FAM81A: variants seen among roughly 807,000 people sequenced by gnomAD.
FAM81A encodes family with sequence similarity 81 member A.
FAM81A carries 19 observed loss-of-function variants against 46.7 expected under a neutral mutation model. The observed-to-expected ratio is 0.41, with a 90% CI of 0.28 to 0.60. The LOEUF is 0.60. Ranked by LOEUF, FAM81A falls within the 20% of genes least tolerant of loss-of-function variation. FAM81A has a pLI of 0.34. For synonymous variants in FAM81A, 183 were observed against 152.9 expected, an observed-to-expected ratio of 1.20 and a Z score of -1.45; for missense variants, 377 against 453.5, an observed-to-expected ratio of 0.83 and a Z score of 1.53.
chr15:59,398,759 G>GAAAA (rs71119468), intron 1 of FAM81A, among the ~76,000 whole-genome samples: 5 of 41,410 alleles, frequency 1.2e-4, no homozygotes, highest in East Asian at 1.4e-3. Context: ...CTCTGTCTCA[G>GAAAA]AAAAAAAAAA....
chr15:59,437,640 G>A (rs1177738529), upstream of FAM81A, among the ~76,000 whole-genome samples: 1 of 152,136 alleles, frequency 6.6e-6, no homozygotes, highest in Admixed American at 6.5e-5. Context: ...CGGAGGGTTC[G>A]TTCACCTGCA....
At chr15:59,477,378 G>A (rs968256210) in intron 3 of FAM81A, among the ~76,000 whole-genome samples, 4 of 152,030 alleles carry the variant, frequency 2.6e-5, no homozygotes, top group Admixed American at 2.6e-4. Flanking sequence ...TGATTTTTGA[G>A]AATCATCCCT....
chr15:59,466,692 C>T (rs2081618314), intron 3 of FAM81A, among the ~76,000 whole-genome samples: 1 of 152,164 alleles, frequency 6.6e-6, no homozygotes. Context: ...TTTTGCTGTG[C>T]AGAAGCTCTT....
intron 2 of FAM81A, among the ~76,000 whole-genome samples, chr15:59,429,596 G>A (rs1238474591): frequency 6.6e-6 from 1 of 152,100 alleles, no homozygotes; most frequent in Non-Finnish European, 1.5e-5. Context: ...AAAAACAAGA[G>A]TCAAATTGAT....
intron 3 of FAM81A, among the ~76,000 whole-genome samples, chr15:59,479,161 C>T (rs2081812779): frequency 6.6e-6 from 1 of 152,158 alleles, no homozygotes; most frequent in South Asian, 2.1e-4. Flanking sequence ...GTGATGTTAG[C>T]TGATGTCAAG....
intron 2 of FAM81A, among the ~76,000 whole-genome samples, chr15:59,417,472 G>A (rs567632745): frequency 7.9e-5 from 12 of 152,052 alleles, no homozygotes; most frequent in East Asian, 5.8e-4. Context: ...TTGGGAGGCC[G>A]TGGTGGACAG....
At chr15:59,422,627 C>T (rs1268688269) in intron 2 of FAM81A, among the ~76,000 whole-genome samples, 1 of 152,034 alleles carries the variant, frequency 6.6e-6, no homozygotes, top group Non-Finnish European at 1.5e-5. Flanking sequence ...CAGGTGCCTG[C>T]CACCACGCTC....
At chr15:59,448,092 G>A (rs1405076799) in intron 1 of FAM81A, among the ~76,000 whole-genome samples, 2 of 152,124 alleles carry the variant, frequency 1.3e-5, no homozygotes, top group Non-Finnish European at 2.9e-5. Flanking sequence ...CATTTGCAGG[G>A]TTGGCTGGGA....
chr15:59,473,192 G>A (rs536632318), intron 3 of FAM81A, among the ~76,000 whole-genome samples: 8 of 152,174 alleles, frequency 5.3e-5, no homozygotes, highest in South Asian at 2.1e-4. Flanking sequence ...TTCACTCTCC[G>A]CAATTTCAGT....
chr15:59,462,798 G>A (rs1466455548), intron 3 of FAM81A, among the ~76,000 whole-genome samples: 2 of 152,094 alleles, frequency 1.3e-5, no homozygotes, highest in African/African-American at 4.8e-5. Context: ...TTTTCACTTA[G>A]CATAATGTTT....
intron 3 of FAM81A, among the ~76,000 whole-genome samples, chr15:59,491,020 C>G (rs1398809986): frequency 6.6e-6 from 1 of 152,122 alleles, no homozygotes; most frequent in Non-Finnish European, 1.5e-5. Flanking sequence ...CCTCACAAAA[C>G]TAAAACAGAG....
chr15:59,465,857 G>A (rs567812210), intron 3 of FAM81A, among the ~76,000 whole-genome samples: 29 of 151,970 alleles, frequency 1.9e-4, no homozygotes, highest in African/African-American at 6.3e-4. Context: ...CCCCCCGTCC[G>A]CTGACAGACC....
At chr15:59,443,408 T>G (rs2081321940) in intron 1 of FAM81A, among the ~76,000 whole-genome samples, 1 of 152,168 alleles carries the variant, frequency 6.6e-6, no homozygotes, top group Non-Finnish European at 1.5e-5. Flanking sequence ...AAAAAGATGT[T>G]TTCTGGTCCA....
chr15:59,406,296 T>C (rs1224623110), intron 2 of FAM81A, among the ~76,000 whole-genome samples: 1 of 152,246 alleles, frequency 6.6e-6, no homozygotes, highest in Non-Finnish European at 1.5e-5. Flanking sequence ...CTCATTTAAC[T>C]GGCACTCTGC....
At chr15:59,447,522 A>G (rs979704693) in intron 1 of FAM81A, among the ~76,000 whole-genome samples, 5 of 152,156 alleles carry the variant, frequency 3.3e-5, no homozygotes, top group Admixed American at 2.0e-4. Context: ...CACTGTTTTC[A>G]TTTCCTTTGC....
rs773262883 is a variant in FAM81A at position 59,408,485 on chromosome 15, A to G, written c.-78+6127A>G. ...TGAGGCGGGTGGATCACCTGAGGTC[A>G]AGTGTCCAAGACCAACCTGGCCACG... On this transcript the variant is annotated intron_variant, in intron 2 of 4. Transcript: ENST00000558348. Among the ~76,000 whole-genome samples, 160 of 152,208 alleles carry G rather than the reference A, an allele frequency of 1.1e-3. 1 individual carries two copies. The highest frequency in any genetic ancestry group is 2.0e-3 in the Non-Finnish European group (138 of 68,002).
chr15:59,477,172 C>G (rs1339354672), intron 3 of FAM81A, among the ~76,000 whole-genome samples: 4 of 151,376 alleles, frequency 2.6e-5, no homozygotes, highest in African/African-American at 7.3e-5. Context: ...ACAAAATAAC[C>G]TCATACTTGT....
chr15:59,408,030 C>T (rs2081104261), intron 2 of FAM81A: 2 of 166,710 alleles, frequency 1.2e-5, no homozygotes, highest in South Asian at 3.0e-4. Context: ...GGTGTGCTGT[C>T]CAATGCCAAG....
intron 2 of FAM81A, among the ~76,000 whole-genome samples, chr15:59,431,117 A>C (rs2081217987): frequency 6.6e-6 from 1 of 152,190 alleles, no homozygotes; most frequent in African/African-American, 2.4e-5. Flanking sequence ...TTTACAGGTG[A>C]GGGCACTACT....
Sources: gnomAD v4.1 joint callset for allele counts (sites outside exome capture counted in the v4.1 genomes callset) on GRCh38, gnomAD v4.1.1 for gene constraint, MANE v1.5 for transcripts, NCBI Gene and HGNC (gene_info 2026-07-23, HGNC 2026-07-21) for gene names.